LARS2: variants seen among roughly 807,000 people sequenced by gnomAD.
LARS2 encodes leucyl-tRNA synthetase 2, mitochondrial.
LARS2 carries 81 observed loss-of-function variants against 116.6 expected under a neutral mutation model. The ratio of observed to expected loss-of-function variants is 0.69; its 90% CI spans 0.58 to 0.84. LARS2 has a LOEUF of 0.84. LARS2 is among the 40% of genes least tolerant of loss of function. The pLI, the probability that LARS2 is intolerant of heterozygous loss-of-function variation, is 0.00. For missense variants in LARS2, 968 were observed against 1,114.5 expected (o/e 0.87, Z 1.87); for synonymous variants, 396 against 407.2 (o/e 0.97, Z 0.33).
intron 8 of LARS2, among the ~76,000 whole-genome samples, chr3:45,459,432 C>T (rs1296509836): frequency 6.6e-6 from 1 of 152,156 alleles, no homozygotes; most frequent in East Asian, 1.9e-4. Context: ...TGAGAGAAGG[C>T]CAAGTGAAAA....
In LARS2 at chr3:45,548,044, A is replaced by G. The variant is rs1452079503; in HGVS notation, c.*514A>G. 1 of 152,738 alleles carries G rather than the reference A, an allele frequency of 6.5e-6. No homozygotes were observed. The highest frequency in any genetic ancestry group is 1.5e-5 in the Non-Finnish European group (1 of 68,412). The allele number at this position is 152,738 out of a possible 1,614,324, so 9.5% of individuals were successfully genotyped here. On this transcript the variant is annotated 3_prime_UTR_variant, in exon 22 of 22. Transcript: ENST00000645846. Reference sequence around the variant, plus strand: ...GGTCTCTTTGCCTTCAGGCTGGATGAGGAAGTCATTTAGGAAATGTTCAAA... The same window carrying G: ...GGTCTCTTTGCCTTCAGGCTGGATGGGGAAGTCATTTAGGAAATGTTCAAA...
intron 6 of LARS2, among the ~76,000 whole-genome samples, chr3:45,432,030 A>G (rs1039717121): frequency 6.6e-6 from 1 of 152,226 alleles, no homozygotes; most frequent in African/African-American, 2.4e-5. Flanking sequence ...GTGATCAGAC[A>G]AAATAGACTT....
intron 10 of LARS2, among the ~76,000 whole-genome samples, chr3:45,483,301 T>G (rs1319496027): frequency 6.6e-6 from 1 of 152,196 alleles, no homozygotes; most frequent in Non-Finnish European, 1.5e-5. Context: ...AGCCTCCTGG[T>G]AACATCATAT....
chr3:45,447,829 T>C (rs913375990), intron 7 of LARS2, among the ~76,000 whole-genome samples: 3 of 152,120 alleles, frequency 2.0e-5, no homozygotes, highest in Non-Finnish European at 4.4e-5. Flanking sequence ...TCAATAATGA[T>C]AGGTAAGACT....
chr3:45,491,405 G>C, intron 12 of LARS2, 112 bp from the exon 13 acceptor site: 1 of 1,175,928 alleles, frequency 8.5e-7, no homozygotes, highest in Non-Finnish European at 1.2e-6. Context: ...GCTCTGCACA[G>C]AACTGGTCCC....
At chr3:45,476,252 G>A (rs1224428257) in intron 9 of LARS2, among the ~76,000 whole-genome samples, 1 of 152,148 alleles carries the variant, frequency 6.6e-6, no homozygotes, top group African/African-American at 2.4e-5. Flanking sequence ...TGCCTGGTGT[G>A]GGGCAAGTGG....
chr3:45,524,002 C>T lies in LARS2; in HGVS notation c.2298C>T (p.Ala766=). ...TTTTTTTTCCTCTTCCTTAGCAAGC[C>T]TCTCAGAGCGTCATTCTCCACAGCC... The part of the protein sequence containing the change: ...LMGLSNALSQ[A]SQSVILHSPE... The change falls in exon 20 of 22, where the codon GCC becomes GCT. Residue 766 remains alanine, a synonymous_variant. Coordinates refer to ENST00000645846, the MANE Select transcript of LARS2 (RefSeq NM_015340.4). 1 of 1,613,314 alleles carries T rather than the reference C, an allele frequency of 6.2e-7. No individual in the cohort carries two copies. Among genetic ancestry groups the T allele is most frequent in the Non-Finnish European group, 8.5e-7 (1 of 1,179,400 alleles).
At chr3:45,430,680 G>A (rs1436643923) in intron 6 of LARS2, among the ~76,000 whole-genome samples, 1 of 143,582 alleles carries the variant, frequency 7.0e-6, no homozygotes, top group Non-Finnish European at 1.5e-5. Context: ...CGCCTCCCGA[G>A]TTCACGTCAT....
At position 45,534,165 on chromosome 3, in the gene LARS2, TC is replaced by T. The variant is rs527359678; in HGVS notation, c.2405-7659del. 7.9e-5 allele frequency among the ~76,000 whole-genome samples: 12 copies of T among 152,182 alleles called. No individual in the cohort carries two copies. The South Asian group carries it at 2.1e-3, about 26-fold the overall frequency. ...AGTGGGAAACCTATGTCTCCTGCTC[TC>T]CCCCATGAGATGTGTATTGTTTTTT... On this transcript the variant is annotated intron_variant, in intron 20 of 21. Transcript: ENST00000645846.
intron 6 of LARS2, among the ~76,000 whole-genome samples, chr3:45,436,456 C>A (rs1222580723): frequency 6.6e-6 from 1 of 152,106 alleles, no homozygotes; most frequent in African/African-American, 2.4e-5. Flanking sequence ...TTAATCTCAT[C>A]TGTAGTTTAA....
chr3:45,493,754 T>A (rs1699964674), intron 13 of LARS2, among the ~76,000 whole-genome samples: 1 of 152,076 alleles, frequency 6.6e-6, no homozygotes, highest in Non-Finnish European at 1.5e-5. Flanking sequence ...CCCTCCTGCT[T>A]GCCACGTAGC....
chr3:45,415,876 TAG>T lies in LARS2; in HGVS notation c.364-1591_364-1590del, dbSNP rs71095033. Among the ~76,000 whole-genome samples the T allele has an allele frequency of 1.9e-4, 13 of 69,026 alleles. 1 individual carries two copies. Among genetic ancestry groups the T allele is most frequent in the East Asian group, 1.2e-3 (4 of 3,316 alleles). 45.3% of individuals were successfully genotyped at this position (69,026 alleles called of 152,430 possible). ...AAAAAAAAAAATATATATATATATATAGAGAGAGAGAGAGAGGGAGAGAGAGA... is the reference window on the plus strand; with the variant it reads ...AAAAAAAAAAATATATATATATATATAGAGAGAGAGAGAGGGAGAGAGAGA... On this transcript the variant is annotated intron_variant, in intron 4 of 21. Transcript: ENST00000645846.
chr3:45,465,119 G>A (rs1415007344), intron 8 of LARS2, among the ~76,000 whole-genome samples: 1 of 152,128 alleles, frequency 6.6e-6, no homozygotes, highest in Non-Finnish European at 1.5e-5. Flanking sequence ...TCTCCCTCAT[G>A]CTGGGGCTGT....
At chr3:45,399,190 C>T (rs1698100794) in intron 3 of LARS2, among the ~76,000 whole-genome samples, 1 of 152,170 alleles carries the variant, frequency 6.6e-6, no homozygotes, top group South Asian at 2.1e-4. Flanking sequence ...ATTACCTTCC[C>T]ATTTCAACAT....
rs370870920 is a variant in LARS2 at position 45,463,263 on chromosome 3, G to T, written c.750+4377G>T. On this transcript the variant is annotated intron_variant, in intron 8 of 21. Transcript: ENST00000645846. ...GATTTTGATTTCTCCTGCTGACTCC[G>T]CTGGCCCCTCTCGGCTGCATTGCAG... Among the ~76,000 whole-genome samples, 16 of 152,352 alleles carry T rather than the reference G, an allele frequency of 1.1e-4. No homozygotes were observed. In the East Asian group the frequency reaches 1.9e-3, roughly 18 times the overall value.
At chr3:45,423,857 C>G (rs1281189069) in intron 6 of LARS2, among the ~76,000 whole-genome samples, 1 of 152,174 alleles carries the variant, frequency 6.6e-6, no homozygotes, top group Non-Finnish European at 1.5e-5. Context: ...CACCTACAAA[C>G]AGCAACTTAC....
intron 6 of LARS2, among the ~76,000 whole-genome samples, chr3:45,436,023 T>G (rs947494726): frequency 2.0e-5 from 3 of 152,190 alleles, no homozygotes; most frequent in East Asian, 1.9e-4. Context: ...TTTCTATGAT[T>G]TTTCCAAGTT....
chr3:45,479,755 G>T (rs1044243931), intron 10 of LARS2, among the ~76,000 whole-genome samples: 1 of 152,118 alleles, frequency 6.6e-6, no homozygotes, highest in Non-Finnish European at 1.5e-5. Context: ...GGCATCAATG[G>T]GGAAATATGA....
intron 2 of LARS2, 54 bp downstream of exon 2, chr3:45,391,702 C>G (rs886983862): frequency 1.3e-5 from 2 of 152,142 alleles, no homozygotes; most frequent in Non-Finnish European, 2.9e-5. Context: ...CTATTACTAT[C>G]TAATCTGCTC....
Sources: allele counts gnomAD v4.1 joint callset (sites outside exome capture counted in the v4.1 genomes callset), GRCh38; gene constraint gnomAD v4.1.1; transcripts MANE v1.5; gene names NCBI Gene and HGNC (gene_info 2026-07-23, HGNC 2026-07-21).